ACTR2: variants seen among roughly 807,000 people sequenced by gnomAD.
ACTR2 encodes the protein actin-related protein 2.
ACTR2 carries 5 observed loss-of-function variants against 50.2 expected under a neutral mutation model. That is an observed-to-expected ratio of 0.10 (90% CI 0.05 to 0.21). ACTR2 has a LOEUF of 0.21. ACTR2 is among the 10% of genes least tolerant of loss of function. The probability of loss-of-function intolerance (pLI) is 1.00; values close to 1 mark genes in which losing one functional copy is unlikely to be tolerated. For synonymous variants in ACTR2, 140 were observed against 162.9 expected (o/e 0.86, Z 1.07); for missense variants, 180 against 480.6 (o/e 0.37, Z 5.85).
chr2:65,242,569 TAGAAAA>T (rs1049328651), intron 2 of ACTR2: 4 of 447,938 alleles, frequency 8.9e-6, no homozygotes, highest in Non-Finnish European at 1.8e-5. Context: ...AAACCATAGA[TAGAAAA>T]AGAGAATTCT....
intron 8 of ACTR2, among the ~76,000 whole-genome samples, chr2:65,266,534 T>C (rs1459459546): frequency 6.6e-6 from 1 of 152,108 alleles, no homozygotes; most frequent in Non-Finnish European, 1.5e-5. Flanking sequence ...GCTTGACTCC[T>C]GGTGAAATGG....
intron 1 of ACTR2, chr2:65,228,564 C>T (rs1420942973): frequency 6.6e-6 from 1 of 151,948 alleles, no homozygotes; most frequent in African/African-American, 2.4e-5. Context: ...TTTTGTTTTA[C>T]ATACTAGTAT....
Position 65,248,271 on chromosome 2 carries a change from G to A in ACTR2, c.375+1532G>A, listed in dbSNP as rs552578033. Among the ~76,000 whole-genome samples, 90 of 152,076 alleles carry A rather than the reference G, an allele frequency of 5.9e-4. 2 individuals are homozygous for A. The highest frequency in any genetic ancestry group is 4.1e-3 in the Admixed American group (63 of 15,274). ...AAAAATTAACTGGGCATAGTGGTGC[G>A]TGCCTGTAATCCCAGCTACTTGGGA... On this transcript the variant is annotated intron_variant, in intron 3 of 8. Transcript: ENST00000260641.
rs112146830 is a variant in ACTR2, at chr2:65,230,807, A to T, written c.48+2850A>T. ...TGTGGCTCATGCCTGTAATCCCAGC[A>T]CTTTGGGAGGCCGAGGTAGGAGGTT... is the stretch of plus-strand genomic sequence containing the variant. On this transcript the variant is annotated intron_variant, in intron 1 of 8. Coordinates refer to ENST00000260641, the MANE Select transcript of ACTR2 (RefSeq NM_005722.4). Among the ~76,000 whole-genome samples the T allele has an allele frequency of 7.0e-3, 1,067 of 152,160 alleles. 25 individuals are homozygous for T. Among genetic ancestry groups the T allele is most frequent in the African/African-American group, 0.024 (982 of 41,518 alleles).
intron 2 of ACTR2, chr2:65,242,078 A>C (rs1388952594): frequency 6.3e-7 from 1 of 1,580,186 alleles, no homozygotes; most frequent in Non-Finnish European, 8.7e-7. Flanking sequence ...GTGAGGTTAC[A>C]CACATGCTCT....
intron 5 of ACTR2, among the ~76,000 whole-genome samples, chr2:65,254,179 C>A (rs1281036692): frequency 1.3e-5 from 2 of 152,080 alleles, no homozygotes; most frequent in Non-Finnish European, 2.9e-5. Context: ...AGAAGAGACC[C>A]CTAATTTGAA....
At position 65,260,203 on chromosome 2, in the gene ACTR2, A is replaced by C. The variant is rs577801113; in HGVS notation, c.736-1044A>C. 1.5e-4 allele frequency among the ~76,000 whole-genome samples: 23 copies of C among 152,328 alleles called. No individual in the cohort carries two copies. The South Asian group carries it at 4.3e-3, about 29-fold the overall frequency. ...CACAGAGTAATTATTTGATGAAATAAAATTATTTAAAATGTTTAATGTGGC... is the reference window on the plus strand; with the variant it reads ...CACAGAGTAATTATTTGATGAAATACAATTATTTAAAATGTTTAATGTGGC... On this transcript the variant is annotated intron_variant, in intron 6 of 8. Coordinates refer to ENST00000260641, the MANE Select transcript of ACTR2 (RefSeq NM_005722.4).
intron 8 of ACTR2, among the ~76,000 whole-genome samples, chr2:65,265,782 ATG>A (rs1672359544): frequency 6.6e-6 from 1 of 152,246 alleles, no homozygotes; most frequent in African/African-American, 2.4e-5. Context: ...ACTCTGGACT[ATG>A]TGAAGTATAC....
intron 1 of ACTR2, among the ~76,000 whole-genome samples, chr2:65,237,302 A>G (rs1671757544): frequency 6.6e-6 from 1 of 152,126 alleles, no homozygotes; most frequent in African/African-American, 2.4e-5. Context: ...AGGGTCTCAC[A>G]TGATCACGGC....
chr2:65,258,686 G>A (rs1458325478), intron 6 of ACTR2, among the ~76,000 whole-genome samples: 2 of 152,064 alleles, frequency 1.3e-5, no homozygotes, highest in Non-Finnish European at 2.9e-5. Context: ...AAGTGAGGAG[G>A]GACATGGGTG....
chr2:65,238,052 C>CA (rs749391032), intron 1 of ACTR2, among the ~76,000 whole-genome samples: 1 of 151,884 alleles, frequency 6.6e-6, no homozygotes, highest in Non-Finnish European at 1.5e-5. Context: ...CCTGTAGTCC[C>CA]AGCTACTTGG....
intron 2 of ACTR2, among the ~76,000 whole-genome samples, chr2:65,244,783 A>T (rs1671904087): frequency 6.6e-6 from 1 of 151,960 alleles, no homozygotes; most frequent in Non-Finnish European, 1.5e-5. Context: ...CCCTGTCTCT[A>T]CTAAAAATAC....
chr2:65,246,335 C>T, intron 2 of ACTR2, 189 bp from the exon 3 acceptor site: 1 of 480,936 alleles, frequency 2.1e-6, no homozygotes, highest in South Asian at 3.4e-5. Context: ...ATTTAAACCA[C>T]ATTGTATGTA....
intron 5 of ACTR2, among the ~76,000 whole-genome samples, chr2:65,255,011 C>G (rs1186220825): frequency 1.3e-5 from 2 of 151,844 alleles, no homozygotes; most frequent in Non-Finnish European, 2.9e-5. Context: ...GTAGTATTTT[C>G]TAGCATTTAA....
chr2:65,269,800 T>C lies in ACTR2; in HGVS notation c.*1066T>C, dbSNP rs1188557033. 1 of 152,258 alleles carries C rather than the reference T, an allele frequency of 6.6e-6. No homozygotes were observed. Among genetic ancestry groups the C allele is most frequent in the Admixed American group, 6.5e-5 (1 of 15,290 alleles). The allele number at this position is 152,258 out of a possible 1,614,324, so 9.4% of individuals were successfully genotyped here. On this transcript the variant is annotated 3_prime_UTR_variant, in exon 9 of 9. Transcript: ENST00000260641. ...TGGTGGTTTAAAAATAACATTGGAA[T>C]ACAGGACTTGTTGCCAATTGGGTAA...
chr2:65,255,767 A>G (rs1558626831), intron 6 of ACTR2, 73 bp downstream of exon 6: 4 of 1,366,958 alleles, frequency 2.9e-6, no homozygotes, highest in Non-Finnish European at 4.0e-6. Context: ...CAGCTTAAGG[A>G]GGTTTTCTTA....
intron 1 of ACTR2, among the ~76,000 whole-genome samples, chr2:65,238,696 G>T (rs1461173712): frequency 2.0e-5 from 3 of 150,916 alleles, no homozygotes; most frequent in African/African-American, 7.3e-5. Context: ...GCCAGGCGCG[G>T]TGACTCAACG....
intron 7 of ACTR2, among the ~76,000 whole-genome samples, chr2:65,262,332 C>G (rs969314230): frequency 6.6e-6 from 1 of 151,888 alleles, no homozygotes; most frequent in Admixed American, 6.6e-5. Flanking sequence ...CGTTTTCAAG[C>G]GATTCTCCTG....
At chr2:65,264,975 A>G (rs1672345285) in intron 7 of ACTR2, 68 bp from the exon 8 acceptor site, 3 of 1,569,912 alleles carry the variant, frequency 1.9e-6, no homozygotes, top group Middle Eastern at 1.9e-4. Flanking sequence ...TGACATAAGT[A>G]ACAGTAACCC....
Sources: gnomAD v4.1 joint callset for allele counts (sites outside exome capture counted in the v4.1 genomes callset) on GRCh38, gnomAD v4.1.1 for gene constraint, MANE v1.5 for transcripts, NCBI Gene and HGNC (gene_info 2026-07-23, HGNC 2026-07-21) for gene names.